The following GRIP1 variants were observed in gnomAD, a reference collection of about 807,000 sequenced individuals.
GRIP1 encodes the protein glutamate receptor-interacting protein 1.
Under a neutral mutation model 129.9 loss-of-function variants are expected in GRIP1, and 45 were observed. The ratio of observed to expected loss-of-function variants is 0.35; its 90% CI spans 0.27 to 0.44. The LOEUF (loss-of-function observed/expected upper bound fraction) is 0.44, where lower values mean the gene tolerates loss of function less well. Among genes scored for constraint, GRIP1 ranks in the 20% least tolerant of loss-of-function variants. The pLI is 1.00. For missense variants in GRIP1, 1,196 were observed against 1,396.8 expected, an observed-to-expected ratio of 0.86 and a Z score of 2.29; for synonymous variants, 530 against 520.8, an observed-to-expected ratio of 1.02 and a Z score of -0.24.
intron 1 of GRIP1, among the ~76,000 whole-genome samples, chr12:66,976,678 A>G (rs1373462606): frequency 6.6e-6 from 1 of 152,212 alleles, no homozygotes; most frequent in Non-Finnish European, 1.5e-5. Context: ...CTACTTCTAC[A>G]GTGTGAACAG....
rs144211412 is a variant in GRIP1 at position 66,853,865 on chromosome 12, T to C, written c.58+215185A>G. On this transcript the variant is annotated intron_variant, in intron 1 of 1. Transcript: ENST00000643019. The stretch of plus-strand genomic sequence containing the variant: ...AATTCTTGAATATGATTGGTTCCTA[T>C]CAATGAATTTTTCAAACCTATACAC... 2.0e-3 allele frequency among the ~76,000 whole-genome samples: 304 copies of C among 152,194 alleles called. 1 individual carries two copies. The highest frequency in any genetic ancestry group is 6.8e-3 in the African/African-American group (284 of 41,548).
intron 1 of GRIP1, among the ~76,000 whole-genome samples, chr12:66,772,440 A>T (rs1156995673): frequency 6.6e-6 from 1 of 152,264 alleles, no homozygotes; most frequent in Admixed American, 6.5e-5. Flanking sequence ...AAAGCAACAC[A>T]TTTTATTGGT....
At chr12:66,501,316 T>C (rs867134464) in intron 7 of GRIP1, among the ~76,000 whole-genome samples, 1 of 152,218 alleles carries the variant, frequency 6.6e-6, no homozygotes. Context: ...TGGACAAAGA[T>C]AGCTTAAACA....
intron 1 of GRIP1, among the ~76,000 whole-genome samples, chr12:67,050,866 A>C (rs577346022): frequency 2.2e-4 from 33 of 152,162 alleles, no homozygotes; most frequent in Non-Finnish European, 3.7e-4. Flanking sequence ...AACACTGAGG[A>C]ATTCTGCAGG....
chr12:66,796,820 ATATTT>A (rs1404238790), intron 1 of GRIP1, among the ~76,000 whole-genome samples: 4 of 152,298 alleles, frequency 2.6e-5, no homozygotes, highest in South Asian at 4.1e-4. Flanking sequence ...TTCAAGCATT[ATATTT>A]TATTATTTAC....
intron 1 of GRIP1, among the ~76,000 whole-genome samples, chr12:66,967,097 A>G (rs958735560): frequency 6.6e-6 from 1 of 152,156 alleles, no homozygotes; most frequent in Admixed American, 6.6e-5. Flanking sequence ...TTTCTAATGT[A>G]AGCATTTAGT....
At chr12:66,571,301 C>T (rs995509714) in intron 2 of GRIP1, among the ~76,000 whole-genome samples, 1 of 152,184 alleles carries the variant, frequency 6.6e-6, no homozygotes, top group African/African-American at 2.4e-5. Flanking sequence ...GAGGCCACAC[C>T]AGTTCCAGAG....
intron 1 of GRIP1, among the ~76,000 whole-genome samples, chr12:66,736,064 C>T (rs549776331): frequency 6.6e-6 from 1 of 152,116 alleles, no homozygotes; most frequent in Non-Finnish European, 1.5e-5. Context: ...GGAGGGCTGA[C>T]CCCTGCACAG....
intron 2 of GRIP1, among the ~76,000 whole-genome samples, chr12:66,573,290 A>T (rs2063027717): frequency 6.6e-6 from 1 of 152,114 alleles, no homozygotes; most frequent in African/African-American, 2.4e-5. Context: ...GTCAAGACTC[A>T]GTCGAGACTG....
chr12:67,064,867 G>A (rs2083274781), intron 1 of GRIP1, among the ~76,000 whole-genome samples: 1 of 150,852 alleles, frequency 6.6e-6, no homozygotes, highest in Non-Finnish European at 1.5e-5. Flanking sequence ...TCGTCATCTA[G>A]CATTAGGTAT....
intron 14 of GRIP1, among the ~76,000 whole-genome samples, chr12:66,422,950 T>C (rs2057860118): frequency 6.6e-6 from 1 of 152,202 alleles, no homozygotes; most frequent in Admixed American, 6.5e-5. Flanking sequence ...CAGTCATGGT[T>C]TGTGTATCCT....
chr12:66,939,829 C>A (rs1010857169), intron 1 of GRIP1, among the ~76,000 whole-genome samples: 1 of 152,090 alleles, frequency 6.6e-6, no homozygotes, highest in African/African-American at 2.4e-5. Context: ...TTCAAATATA[C>A]CAGTATACAT....
chr12:66,627,441 T>C (rs756270321), intron 1 of GRIP1, among the ~76,000 whole-genome samples: 1 of 152,244 alleles, frequency 6.6e-6, no homozygotes, highest in African/African-American at 2.4e-5. Context: ...ATATTTTCCA[T>C]GTGTCAAGTA....
intron 16 of GRIP1, among the ~76,000 whole-genome samples, chr12:66,398,356 C>T (rs540149990): frequency 6.6e-6 from 1 of 152,068 alleles, no homozygotes; most frequent in Non-Finnish European, 1.5e-5. Context: ...AGGGTCACGC[C>T]ATTCTCCCCC....
intron 1 of GRIP1, among the ~76,000 whole-genome samples, chr12:66,614,796 T>C (rs1168041781): frequency 6.6e-6 from 1 of 152,142 alleles, no homozygotes; most frequent in Non-Finnish European, 1.5e-5. Context: ...CTTCATTCAC[T>C]GCTTTCCTCC....
intron 23 of GRIP1, among the ~76,000 whole-genome samples, chr12:66,355,634 T>C (rs1433586281): frequency 2.7e-5 from 4 of 150,648 alleles, no homozygotes; most frequent in Non-Finnish European, 5.9e-5. Flanking sequence ...CACTGTGTGG[T>C]TGAGAGCACC....
chr12:66,417,442 A>G (rs2057647577), intron 15 of GRIP1, among the ~76,000 whole-genome samples: 1 of 152,198 alleles, frequency 6.6e-6, no homozygotes, highest in Non-Finnish European at 1.5e-5. Flanking sequence ...TCCTAGCTAG[A>G]GCAATCCCAC....
chr12:66,787,757 TTCTGTTG>T (rs1324042357), intron 1 of GRIP1, among the ~76,000 whole-genome samples: 4 of 152,126 alleles, frequency 2.6e-5, no homozygotes, highest in Non-Finnish European at 5.9e-5. Context: ...AGAAATACAT[TTCTGTTG>T]TCTATAAGGT....
intron 1 of GRIP1, among the ~76,000 whole-genome samples, chr12:66,849,435 C>A (rs925380464): frequency 6.6e-6 from 1 of 152,058 alleles, no homozygotes; most frequent in Non-Finnish European, 1.5e-5. Context: ...CCTAATGATA[C>A]TGCAAATTCT....
Sources: gnomAD v4.1 joint callset for allele counts (sites outside exome capture counted in the v4.1 genomes callset) on GRCh38, gnomAD v4.1.1 for gene constraint, MANE v1.5 for transcripts, NCBI Gene and HGNC (gene_info 2026-07-23, HGNC 2026-07-21) for gene names.